ZNF385D: variants seen among roughly 807,000 people sequenced by gnomAD.
ZNF385D encodes zinc finger protein 385D, also known as zinc finger protein 659.
ZNF385D carries 15 observed loss-of-function variants against 35.8 expected under a neutral mutation model. The observed-to-expected ratio is 0.42, with a 90% CI of 0.28 to 0.64. The LOEUF is 0.64. ZNF385D is among the 30% of genes least tolerant of loss of function. ZNF385D has a pLI of 0.23. For synonymous variants in ZNF385D, 212 were observed against 186.8 expected, an observed-to-expected ratio of 1.13 and a Z score of -1.10; for missense variants, 474 against 494.6, an observed-to-expected ratio of 0.96 and a Z score of 0.39.
chr3:22,336,768 G>T lies in ZNF385D; in HGVS notation c.106+35682C>A, dbSNP rs903453669. ...TATACCAAATTTTTGCATAATGTGG[G>T]TTAGTAATCTTAAAACAGTAAGTTT... On this transcript the variant is annotated intron_variant, in intron 2 of 5. Transcript: ENST00000494108. 1.1e-3 allele frequency among the ~76,000 whole-genome samples: 165 copies of T among 151,562 alleles called. 2 individuals carry two copies. The highest frequency in any genetic ancestry group is 0.01 in the Middle Eastern group (3 of 292).
intron 1 of ZNF385D, among the ~76,000 whole-genome samples, chr3:21,666,281 A>G (rs540614550): frequency 6.6e-6 from 1 of 152,330 alleles, no homozygotes; most frequent in South Asian, 2.1e-4. Flanking sequence ...ATCTGCTAAC[A>G]AGGTAGATGA....
At chr3:21,513,003 A>G (rs1459441437) in intron 3 of ZNF385D, among the ~76,000 whole-genome samples, 4 of 152,120 alleles carry the variant, frequency 2.6e-5, no homozygotes, top group Non-Finnish European at 5.9e-5. Context: ...ATATTAAAAG[A>G]TGGGGGGTGA....
At chr3:22,277,003 C>G (rs183401908) in intron 2 of ZNF385D, among the ~76,000 whole-genome samples, 23 of 152,178 alleles carry the variant, frequency 1.5e-4, no homozygotes, top group Non-Finnish European at 3.1e-4. Context: ...AAAACACAAG[C>G]AGTAGTTATA....
chr3:21,548,151 C>T (rs2062443677), intron 3 of ZNF385D, among the ~76,000 whole-genome samples: 1 of 152,160 alleles, frequency 6.6e-6, no homozygotes, highest in African/African-American at 2.4e-5. Flanking sequence ...CCCTGCTTTA[C>T]TCACCCTTTA....
chr3:21,438,761 A>G (rs757794883), intron 4 of ZNF385D, among the ~76,000 whole-genome samples: 2 of 152,124 alleles, frequency 1.3e-5, no homozygotes, highest in Non-Finnish European at 2.9e-5. Flanking sequence ...AAGTTTTCAA[A>G]ATCATGCTGC....
chr3:21,877,287 A>G (rs1229512758), intron 3 of ZNF385D, among the ~76,000 whole-genome samples: 1 of 152,036 alleles, frequency 6.6e-6, no homozygotes, highest in Non-Finnish European at 1.5e-5. Context: ...GTACCCAAAC[A>G]TCGATTACAG....
intron 3 of ZNF385D, among the ~76,000 whole-genome samples, chr3:22,160,005 G>A (rs1193925410): frequency 6.6e-6 from 1 of 151,944 alleles, no homozygotes; most frequent in Non-Finnish European, 1.5e-5. Context: ...AGACCATGTG[G>A]GGGTAATTGA....
chr3:22,236,978 T>G (rs1699221677), intron 2 of ZNF385D, among the ~76,000 whole-genome samples: 1 of 152,226 alleles, frequency 6.6e-6, no homozygotes, highest in Non-Finnish European at 1.5e-5. Context: ...CATATCATAA[T>G]GCTGCTATGA....
chr3:21,592,840 A>G (rs1001312565), intron 2 of ZNF385D, among the ~76,000 whole-genome samples: 2 of 152,214 alleles, frequency 1.3e-5, no homozygotes, highest in Admixed American at 1.3e-4. Flanking sequence ...AAAGCATTCT[A>G]GAACATAAAG....
chr3:22,370,117 T>G (rs372745194), intron 2 of ZNF385D, among the ~76,000 whole-genome samples: 9 of 152,310 alleles, frequency 5.9e-5, no homozygotes, highest in South Asian at 4.1e-4. Context: ...AAAATACTGT[T>G]TAAAATAAAA....
rs1385385909 is a variant in ZNF385D at position 21,582,134 on chromosome 3, T to TAAGA, written c.166-17454_166-17451dup. ...CATGGTATCCTATATGTTATAGCTG[T>TAAGA]AAGATTGACATCCAGGTTTATTGAA... is the stretch of plus-strand genomic sequence containing the variant. On this transcript the variant is annotated intron_variant, in intron 2 of 7. Coordinates refer to ENST00000281523, the MANE Select transcript of ZNF385D (RefSeq NM_024697.3). 2.0e-5 allele frequency among the ~76,000 whole-genome samples: 3 copies of TAAGA among 152,204 alleles called. No homozygotes were observed. The East Asian group carries it at 5.8e-4, about 29-fold the overall frequency.
rs59160644 is a variant in ZNF385D at position 22,274,784 on chromosome 3, C to CT, written c.106+97665dup. On this transcript the variant is annotated intron_variant, in intron 2 of 5. Transcript: ENST00000494108. ...GGCTTGGATTCCAACGAAGTTAGTA[C>CT]TTTTTTTTTTTTTTTAAAAGTCTTC... Among the ~76,000 whole-genome samples the CT allele has an allele frequency of 1.0e-3, 152 of 145,900 alleles. 1 individual carries two copies. The highest frequency in any genetic ancestry group is 3.5e-3 in the Middle Eastern group (1 of 282).
At chr3:22,075,927 C>T (rs1700442068) in intron 3 of ZNF385D, among the ~76,000 whole-genome samples, 1 of 151,936 alleles carries the variant, frequency 6.6e-6, no homozygotes. Context: ...GGATGTCAAT[C>T]TCCGAATGTG....
chr3:21,992,955 A>C (rs1032483214), intron 3 of ZNF385D, among the ~76,000 whole-genome samples: 20 of 152,204 alleles, frequency 1.3e-4, no homozygotes, highest in African/African-American at 4.8e-4. Flanking sequence ...CAAATTGTAC[A>C]AATCGTCAAA....
At chr3:21,601,514 T>C (rs1168646835) in intron 2 of ZNF385D, among the ~76,000 whole-genome samples, 2 of 152,200 alleles carry the variant, frequency 1.3e-5, no homozygotes, top group South Asian at 2.1e-4. Flanking sequence ...GTTAAGCATA[T>C]GGCCTCCTTT....
At chr3:22,083,779 G>C (rs555958299) in intron 3 of ZNF385D, among the ~76,000 whole-genome samples, 1 of 152,112 alleles carries the variant, frequency 6.6e-6, no homozygotes, top group African/African-American at 2.4e-5. Flanking sequence ...ACACATAATT[G>C]TCAGATTCAC....
At chr3:21,662,601 A>T (rs1473132197) in intron 2 of ZNF385D, among the ~76,000 whole-genome samples, 1 of 152,188 alleles carries the variant, frequency 6.6e-6, no homozygotes, top group Non-Finnish European at 1.5e-5. Flanking sequence ...CTACCTGATT[A>T]TGGGCTTTCC....
intron 3 of ZNF385D, among the ~76,000 whole-genome samples, chr3:21,944,704 C>A (rs1298601103): frequency 6.6e-6 from 1 of 151,720 alleles, no homozygotes; most frequent in Non-Finnish European, 1.5e-5. Flanking sequence ...CCAACTTTGA[C>A]AAGAAAATGC....
intron 3 of ZNF385D, among the ~76,000 whole-genome samples, chr3:21,992,685 T>C (rs1189292889): frequency 1.3e-5 from 2 of 152,326 alleles, no homozygotes; most frequent in Middle Eastern, 3.4e-3. Context: ...ATGATGAGCA[T>C]GTTCCCAAGT....
Sources: allele counts gnomAD v4.1 joint callset (sites outside exome capture counted in the v4.1 genomes callset), GRCh38; gene constraint gnomAD v4.1.1; transcripts MANE v1.5; gene names NCBI Gene and HGNC (gene_info 2026-07-23, HGNC 2026-07-21).